The following GALNTL6 variants were observed in gnomAD, a reference collection of about 807,000 sequenced individuals.
GALNTL6 encodes polypeptide N-acetylgalactosaminyltransferase-like 6.
Under a neutral mutation model 73.7 loss-of-function variants are expected in GALNTL6, and 46 were observed. That is an observed-to-expected ratio of 0.62 (90% CI 0.49 to 0.80). The LOEUF (loss-of-function observed/expected upper bound fraction) is 0.80. GALNTL6 is among the 30% of genes least tolerant of loss of function. GALNTL6 has a pLI of 0.00. For missense variants in GALNTL6, 604 were observed against 755.0 expected (o/e 0.80, Z 2.34); for synonymous variants, 259 against 263.7 (o/e 0.98, Z 0.17).
At chr4:171,838,694 T>A (rs1261801720) in intron 2 of GALNTL6, among the ~76,000 whole-genome samples, 2 of 152,122 alleles carry the variant, frequency 1.3e-5, no homozygotes, top group Non-Finnish European at 2.9e-5. Context: ...TATACATGAG[T>A]TGGGCTAAGC....
At chr4:171,953,951 T>C (rs141419307) in intron 2 of GALNTL6, among the ~76,000 whole-genome samples, 1,704 of 152,146 alleles carry the variant, frequency 0.011, 18 homozygotes, top group Non-Finnish European at 0.019. Context: ...TTATTATGGG[T>C]TTCTGGTATA....
At position 172,923,555 on chromosome 4, in the gene GALNTL6, T is replaced by C. The variant is rs760129369; in HGVS notation, c.1042-7606T>C. Among the ~76,000 whole-genome samples the C allele has an allele frequency of 1.4e-3, 207 of 152,304 alleles. 1 individual carries two copies. Among genetic ancestry groups the C allele is most frequent in the Non-Finnish European group, 2.4e-3 (165 of 68,026 alleles). Reference sequence around the variant, plus strand: ...AGAATAAGTATAGATCTGACCTCTATACAACCTTCCTGGGATGGTGCTAAT... The same window carrying C: ...AGAATAAGTATAGATCTGACCTCTACACAACCTTCCTGGGATGGTGCTAAT... On this transcript the variant is annotated intron_variant, in intron 8 of 12. Transcript: ENST00000506823.
At chr4:172,208,939 CAA>C (rs1390979549) in intron 2 of GALNTL6, among the ~76,000 whole-genome samples, 1 of 151,902 alleles carries the variant, frequency 6.6e-6, no homozygotes. Flanking sequence ...TATAGGAAAA[CAA>C]AAAGATTTTC....
Position 172,788,621 on chromosome 4 carries a change from G to A in GALNTL6, c.554-20740G>A, listed in dbSNP as rs564497274. ...CGGGAGGCGGAGCTTGCAGTGGGCC[G>A]ATATCGCACCACTGCACTCCAGCCT... is the stretch of plus-strand genomic sequence containing the variant. On this transcript the variant is annotated intron_variant, in intron 5 of 12. Transcript: ENST00000506823. 1.1e-4 allele frequency among the ~76,000 whole-genome samples: 15 copies of A among 135,060 alleles called. 1 individual carries two copies. In the East Asian group the frequency reaches 2.3e-3, roughly 21 times the overall value. The allele number at this position is 135,060 out of a possible 152,430, so 88.6% of individuals were successfully genotyped here.
At chr4:172,355,571 T>C (rs1431712261) in intron 5 of GALNTL6, among the ~76,000 whole-genome samples, 1 of 152,120 alleles carries the variant, frequency 6.6e-6, no homozygotes, top group Non-Finnish European at 1.5e-5. Flanking sequence ...TTCTTTTCTT[T>C]TATTGTAAAA....
intron 10 of GALNTL6, among the ~76,000 whole-genome samples, chr4:172,958,136 G>A (rs1168413495): frequency 1.3e-5 from 2 of 152,218 alleles, no homozygotes; most frequent in Non-Finnish European, 2.9e-5. Context: ...TGTGTCAGGT[G>A]TGAGGAAGAA....
At chr4:172,195,979 A>G (rs1339237318) in intron 2 of GALNTL6, among the ~76,000 whole-genome samples, 6 of 151,048 alleles carry the variant, frequency 4.0e-5, no homozygotes, top group Non-Finnish European at 8.8e-5. Flanking sequence ...AAAACCTTTC[A>G]AAAAAATAAA....
At chr4:172,913,992 G>C (rs917523917) in intron 8 of GALNTL6, among the ~76,000 whole-genome samples, 13 of 152,158 alleles carry the variant, frequency 8.5e-5, no homozygotes, top group African/African-American at 3.1e-4. Flanking sequence ...CAGCCAGAGA[G>C]AAAGGTCAGG....
At chr4:172,174,391 T>A (rs1318341330) in intron 2 of GALNTL6, among the ~76,000 whole-genome samples, 1 of 152,218 alleles carries the variant, frequency 6.6e-6, no homozygotes, top group Non-Finnish European at 1.5e-5. Context: ...TTTTCCCTTT[T>A]TTTGTTGTTG....
intron 5 of GALNTL6, among the ~76,000 whole-genome samples, chr4:172,614,080 A>G (rs910198936): frequency 6.6e-6 from 1 of 151,918 alleles, no homozygotes; most frequent in African/African-American, 2.4e-5. Flanking sequence ...CTCCCCTCCC[A>G]CAGCTGTCTT....
chr4:172,787,071 A>G lies in GALNTL6; in HGVS notation c.554-22290A>G, dbSNP rs187595734. ...CACCACTGCTACTGCCATTCAATCT[A>G]TTTTCCAGAGAAAGTAAATAACAGA... On this transcript the variant is annotated intron_variant, in intron 5 of 12. Coordinates refer to ENST00000506823, the MANE Select transcript of GALNTL6 (RefSeq NM_001034845.3). Among the ~76,000 whole-genome samples, 124 of 152,246 alleles carry G rather than the reference A, an allele frequency of 8.1e-4. 1 individual carries two copies. Among genetic ancestry groups the G allele is most frequent in the Admixed American group, 4.4e-3 (68 of 15,292 alleles).
intron 5 of GALNTL6, among the ~76,000 whole-genome samples, chr4:172,725,949 C>G (rs950379072): frequency 1.3e-5 from 2 of 152,110 alleles, no homozygotes; most frequent in African/African-American, 2.4e-5. Context: ...TATGAAGCCC[C>G]CTTAGAACAC....
chr4:172,148,260 A>T (rs891407924), intron 2 of GALNTL6, among the ~76,000 whole-genome samples: 1 of 152,190 alleles, frequency 6.6e-6, no homozygotes, highest in African/African-American at 2.4e-5. Context: ...ATTTGCTGAT[A>T]TGTAGAAAGA....
chr4:172,908,335 T>C (rs192260854), intron 8 of GALNTL6, among the ~76,000 whole-genome samples: 22 of 152,332 alleles, frequency 1.4e-4, no homozygotes, highest in Admixed American at 3.3e-4. Flanking sequence ...ATAATGGATA[T>C]ATTTCAACTG....
chr4:172,205,589 T>C (rs1736083451), intron 2 of GALNTL6, among the ~76,000 whole-genome samples: 1 of 152,242 alleles, frequency 6.6e-6, no homozygotes, highest in Non-Finnish European at 1.5e-5. Context: ...CTCATCCTTT[T>C]GTTCCATAAT....
At chr4:172,987,239 G>A (rs1751328462) in intron 10 of GALNTL6, among the ~76,000 whole-genome samples, 1 of 152,104 alleles carries the variant, frequency 6.6e-6, no homozygotes, top group Non-Finnish European at 1.5e-5. Context: ...GCATGGCGGG[G>A]AGGCCTCAGG....
At chr4:172,421,104 T>C (rs1346888796) in intron 5 of GALNTL6, among the ~76,000 whole-genome samples, 1 of 152,078 alleles carries the variant, frequency 6.6e-6, no homozygotes, top group East Asian at 1.9e-4. Flanking sequence ...CCATGGCACA[T>C]GTATACCTGT....
intron 5 of GALNTL6, among the ~76,000 whole-genome samples, chr4:172,466,325 G>A (rs1227917817): frequency 6.6e-6 from 1 of 152,118 alleles, no homozygotes; most frequent in Non-Finnish European, 1.5e-5. Context: ...AAGGTCCTAT[G>A]AACTTCCACT....
rs2110791194 is a variant in GALNTL6, at chr4:172,510,644, T to C, written c.553+161955T>C. On this transcript the variant is annotated intron_variant, in intron 5 of 12. Transcript: ENST00000506823. ...ATGCCAATTTTGTTGAGCATTTTAA[T>C]GATAAAGGGATACTGGATTTTGTCA... Among the ~76,000 whole-genome samples, 2 of 55,184 alleles carry C rather than the reference T, an allele frequency of 3.6e-5. 1 individual carries two copies. The highest frequency in any genetic ancestry group is 3.7e-3 in the South Asian group (2 of 544). 36.2% of individuals were successfully genotyped at this position (55,184 alleles called of 152,430 possible).
Sources: allele counts gnomAD v4.1 joint callset (sites outside exome capture counted in the v4.1 genomes callset), GRCh38; gene constraint gnomAD v4.1.1; transcripts MANE v1.5; gene names NCBI Gene and HGNC (gene_info 2026-07-23, HGNC 2026-07-21).